Variants in CSGALNACT1 observed in about 807,000 individuals in gnomAD.
CSGALNACT1 encodes the protein chondroitin sulfate N-acetylgalactosaminyltransferase 1, also known as beta4GalNAcT-1.
In CSGALNACT1, 52 loss-of-function variants were observed where a neutral mutation model predicts 51.0. The ratio of observed to expected loss-of-function variants is 1.02; its 90% confidence interval spans 0.82 to 1.29. CSGALNACT1 has a LOEUF of 1.29. CSGALNACT1 is among the 50% of genes most tolerant of loss of function. CSGALNACT1 has a pLI of 0.00. For synonymous variants in CSGALNACT1, 341 were observed against 254.4 expected, an observed-to-expected ratio of 1.34 and a Z score of -3.24; for missense variants, 935 against 679.2, an observed-to-expected ratio of 1.38 and a Z score of -4.19.
rs966947761 is a variant in CSGALNACT1, at chr8:19,452,613, G to A, written c.851+5813C>T. Among the ~76,000 whole-genome samples the A allele has an allele frequency of 2.0e-5, 3 of 152,084 alleles. No individual in the cohort carries two copies. In the East Asian group the frequency reaches 5.8e-4, roughly 29 times the overall value. ...GAGCCAAAACTTTCCTTTTTCCTCT[G>A]ACTGGTAGGCGTGGAAAGAGCTGCT... On this transcript the variant is annotated intron_variant, in intron 5 of 9. Coordinates refer to ENST00000454498, the Ensembl canonical transcript of CSGALNACT1.
At chr8:19,660,155 C>A (rs752756214) in intron 1 of CSGALNACT1, among the ~76,000 whole-genome samples, 9 of 152,224 alleles carry the variant, frequency 5.9e-5, no homozygotes, top group Non-Finnish European at 1.3e-4. Flanking sequence ...TTCTTGTCCA[C>A]AATTCCATAC....
At chr8:19,610,467 C>T (rs2052077963) in intron 1 of CSGALNACT1, among the ~76,000 whole-genome samples, 1 of 151,930 alleles carries the variant, frequency 6.6e-6, no homozygotes, top group African/African-American at 2.4e-5. Context: ...CATCCTGTGC[C>T]TATAAAAACT....
chr8:19,507,313 A>T (rs2077517975), intron 3 of CSGALNACT1, among the ~76,000 whole-genome samples: 1 of 152,104 alleles, frequency 6.6e-6, no homozygotes, highest in African/African-American at 2.4e-5. Context: ...AGTTCATAAG[A>T]AATACTCAGA....
intron 6 of CSGALNACT1, among the ~76,000 whole-genome samples, chr8:19,435,896 A>G (rs1024205123): frequency 2.0e-5 from 3 of 152,192 alleles, no homozygotes; most frequent in African/African-American, 4.8e-5. Flanking sequence ...ACACACACGC[A>G]CACACATTGA....
chr8:19,746,039 C>A (rs190085477), intron 1 of CSGALNACT1, among the ~76,000 whole-genome samples: 3 of 151,866 alleles, frequency 2.0e-5, no homozygotes, highest in African/African-American at 4.8e-5. Context: ...ATCTGGGAGA[C>A]CTGAGGGTTG....
intron 6 of CSGALNACT1, among the ~76,000 whole-genome samples, chr8:19,438,334 A>G (rs954584292): frequency 7.2e-5 from 11 of 152,208 alleles, no homozygotes; most frequent in African/African-American, 2.2e-4. Context: ...AGGAATTGAC[A>G]TTGACAGAGA....
At chr8:19,502,373 A>T (rs1322733361) in intron 4 of CSGALNACT1, among the ~76,000 whole-genome samples, 1 of 152,240 alleles carries the variant, frequency 6.6e-6, no homozygotes, top group African/African-American at 2.4e-5. Context: ...CAAGGAGCCT[A>T]AGGGTCTTAG....
intron 3 of CSGALNACT1, among the ~76,000 whole-genome samples, chr8:19,545,967 T>C (rs1396878850): frequency 2.6e-5 from 4 of 151,652 alleles, no homozygotes; most frequent in African/African-American, 7.3e-5. Flanking sequence ...ATTTGCAAAC[T>C]GCATGTATAG....
chr8:19,742,908 A>G (rs887491360), intron 1 of CSGALNACT1, among the ~76,000 whole-genome samples: 2 of 152,204 alleles, frequency 1.3e-5, no homozygotes, highest in African/African-American at 4.8e-5. Context: ...GTGAACTCTG[A>G]GAAGCCTCTT....
At chr8:19,522,733 C>G (rs1281487701) in intron 3 of CSGALNACT1, among the ~76,000 whole-genome samples, 1 of 152,190 alleles carries the variant, frequency 6.6e-6, no homozygotes, top group Non-Finnish European at 1.5e-5. Flanking sequence ...GGAGAAATCT[C>G]AAAACCTCCT....
chr8:19,471,348 G>A lies in CSGALNACT1; in HGVS notation c.635-12706C>T, dbSNP rs377059512. Among the ~76,000 whole-genome samples, 229 of 152,234 alleles carry A rather than the reference G, an allele frequency of 1.5e-3. 2 individuals carry two copies. The highest frequency in any genetic ancestry group is 5.3e-3 in the African/African-American group (220 of 41,548). On this transcript the variant is annotated intron_variant, in intron 4 of 9. Transcript: ENST00000454498. ...TAAAATCCCAGGATCAAGTTTAAAG[G>A]TCTCCCTCCCTCCTTTTCTTTTTTT...
At chr8:19,475,173 A>C (rs113983046) in intron 4 of CSGALNACT1, among the ~76,000 whole-genome samples, 124 of 152,278 alleles carry the variant, frequency 8.1e-4, no homozygotes, top group African/African-American at 2.8e-3. Flanking sequence ...TCTCCAGGCC[A>C]CTTGACCAGA....
chr8:19,721,538 A>G (rs1208592411), intron 1 of CSGALNACT1, among the ~76,000 whole-genome samples: 1 of 152,218 alleles, frequency 6.6e-6, no homozygotes, highest in Non-Finnish European at 1.5e-5. Flanking sequence ...TGACAAGCAC[A>G]TGAGCCATAG....
intron 1 of CSGALNACT1, among the ~76,000 whole-genome samples, chr8:19,674,847 AG>A: frequency 6.6e-6 from 1 of 152,310 alleles, no homozygotes; most frequent in Non-Finnish European, 1.5e-5. Context: ...AAAAATCATA[AG>A]TAGCTAATGG....
chr8:19,740,818 G>A (rs1044600528), intron 1 of CSGALNACT1, among the ~76,000 whole-genome samples: 13 of 152,100 alleles, frequency 8.5e-5, no homozygotes, highest in Admixed American at 6.6e-5. Context: ...CATGTGAAGG[G>A]TTTCAAAGGA....
chr8:19,546,495 T>A (rs1219496333), intron 3 of CSGALNACT1, among the ~76,000 whole-genome samples: 3 of 152,170 alleles, frequency 2.0e-5, no homozygotes, highest in Admixed American at 2.0e-4. Flanking sequence ...AATAGGGAAG[T>A]ATCACTAAGA....
intron 4 of CSGALNACT1, among the ~76,000 whole-genome samples, chr8:19,499,722 C>T (rs1371126234): frequency 6.6e-6 from 1 of 152,202 alleles, no homozygotes. Context: ...CTTCTGTCCC[C>T]TCCACCTCGG....
At chr8:19,644,027 G>A (rs1340904224) in intron 1 of CSGALNACT1, among the ~76,000 whole-genome samples, 1 of 152,170 alleles carries the variant, frequency 6.6e-6, no homozygotes, top group Non-Finnish European at 1.5e-5. Context: ...TCATAAAATT[G>A]TAATTTACAT....
chr8:19,677,185 T>C (rs944649082), intron 1 of CSGALNACT1, among the ~76,000 whole-genome samples: 1 of 152,126 alleles, frequency 6.6e-6, no homozygotes, highest in Non-Finnish European at 1.5e-5. Context: ...CTCTACTCAC[T>C]GCAGCCTTGA....
Sources: gnomAD v4.1 joint callset for allele counts (sites outside exome capture counted in the v4.1 genomes callset) on GRCh38, gnomAD v4.1.1 for gene constraint, MANE v1.5 for transcripts, NCBI Gene and HGNC (gene_info 2026-07-23, HGNC 2026-07-21) for gene names.